The following ZNF490 variants were observed in gnomAD, a reference collection of about 807,000 sequenced individuals.
The protein encoded by ZNF490 is zinc finger protein 490.
Under a neutral mutation model 17.7 loss-of-function variants are expected in ZNF490, and 11 were observed. That is an observed-to-expected ratio of 0.62 (90% CI 0.39 to 1.03). The LOEUF is 1.03. Ranked by LOEUF, ZNF490 falls within the 50% of genes least tolerant of loss-of-function variation. ZNF490 has a pLI of 0.00. For missense variants in ZNF490, 542 were observed against 643.4 expected, an observed-to-expected ratio of 0.84 and a Z score of 1.71; for synonymous variants, 222 against 216.1, an observed-to-expected ratio of 1.03 and a Z score of -0.24.
rs557928943 is a variant in ZNF490 at position 12,580,687 on chromosome 19, C to T, written c.1388G>A (p.Arg463Lys). The T allele has an allele frequency of 6.2e-7, 1 of 1,614,142 alleles. No homozygotes were observed. The highest frequency in any genetic ancestry group is 1.1e-5 in the South Asian group (1 of 91,076). Residue 463 changes from arginine to lysine, a missense_variant, in exon 5 of 5, where the codon AGG (arginine) becomes AAG (lysine). By Grantham distance (26) the Arg-to-Lys change is conservative. Coordinates refer to ENST00000311437, the MANE Select transcript of ZNF490 (RefSeq NM_020714.3). Reference sequence around the variant, plus strand: ...CACTCCAGTGTGACTTCTTTCGTGCCTTCGAAGGTGACTGAAGTAAATGAA... The same window carrying T: ...CACTCCAGTGTGACTTCTTTCGTGCTTTCGAAGGTGACTGAAGTAAATGAA... ...RVFIYFSHLR[R>K]HERSHTGVKP...
At position 12,577,846 on chromosome 19, in the gene ZNF490, C is replaced by A; in HGVS notation, c.*2639G>T. On this transcript the variant is annotated 3_prime_UTR_variant, in exon 5 of 5. Transcript: ENST00000311437. The stretch of plus-strand genomic sequence containing the variant: ...GTGACCTGGTTTCCCTCAATGCTGC[C>A]ACCTCCCTTCTAAAACACACTGACT... 1 of 985,528 alleles carries A rather than the reference C, an allele frequency of 1.0e-6. No homozygotes were observed. Among genetic ancestry groups the A allele is most frequent in the Non-Finnish European group, 1.2e-6 (1 of 830,026 alleles). The allele number at this position is 985,528 out of a possible 1,614,324, so 61.0% of individuals were successfully genotyped here.
At chr19:12,603,276 C>T (rs971377843) in intron 2 of ZNF490, among the ~76,000 whole-genome samples, 12 of 151,972 alleles carry the variant, frequency 7.9e-5, no homozygotes. Flanking sequence ...TGCTTGAGCC[C>T]AGGAGTTCAA....
intron 2 of ZNF490, among the ~76,000 whole-genome samples, chr19:12,587,576 G>A (rs1376289581): frequency 2.2e-5 from 2 of 91,012 alleles, no homozygotes; most frequent in South Asian, 5.9e-4. Flanking sequence ...AAACCTGCAC[G>A]TTGTGCACAT....
At chr19:12,583,787 C>CTATA (rs1267376371) in intron 2 of ZNF490, among the ~76,000 whole-genome samples, 2 of 89,850 alleles carry the variant, frequency 2.2e-5, no homozygotes, top group South Asian at 3.8e-4. Context: ...CTCTCTCTCT[C>CTATA]TCTCTATATA....
chr19:12,603,764 G>A (rs2023034460), intron 2 of ZNF490, among the ~76,000 whole-genome samples: 2 of 147,680 alleles, frequency 1.4e-5, no homozygotes, highest in South Asian at 4.2e-4. Context: ...GTCACTGGGT[G>A]ACAGAGTGAA....
rs1171043179 is a variant in ZNF490 at position 12,580,233 on chromosome 19, T to G, written c.*252A>C. The G allele has an allele frequency of 5.6e-6, 7 of 1,248,336 alleles. No individual in the cohort carries two copies. Among genetic ancestry groups the G allele is most frequent in the African/African-American group, 1.5e-5 (1 of 66,358 alleles). The allele number at this position is 1,248,336 out of a possible 1,614,324, so 77.3% of individuals were successfully genotyped here. On this transcript the variant is annotated 3_prime_UTR_variant, in exon 5 of 5. Coordinates refer to ENST00000311437, the MANE Select transcript of ZNF490 (RefSeq NM_020714.3). ...AGATTACGTGAAGTGAAGGCTTTCC[T>G]ACACTCCATACATTCGTAGCTTTTC... is the stretch of plus-strand genomic sequence containing the variant.
chr19:12,609,045 G>A, intron 2 of ZNF490, 113 bp downstream of exon 2: 1 of 894,150 alleles, frequency 1.1e-6, no homozygotes, highest in South Asian at 1.5e-5. Context: ...CTATGGGAGT[G>A]CCTTCACAAA....
rs2022690269 is a variant in ZNF490, at chr19:12,579,260, A to AG, written c.*1224dup. The AG allele has an allele frequency of 7.1e-6, 1 of 141,728 alleles. No homozygotes were observed. The highest frequency in any genetic ancestry group is 1.5e-5 in the Non-Finnish European group (1 of 65,062). The allele number at this position is 141,728 out of a possible 1,614,324, so 8.8% of individuals were successfully genotyped here. A position where few individuals can be genotyped will look rare whatever the true frequency, so the allele number is the denominator to read the frequency against. ...GACTCCGTCTCAAAAAAAAAAAAAA[A>AG]GAACTGGGGGCCGGGTGTGGTGGCT... On this transcript the variant is annotated 3_prime_UTR_variant, in exon 5 of 5. Transcript: ENST00000311437.
In ZNF490 at chr19:12,587,711, T is replaced by C. The variant is rs1326989496; in HGVS notation, c.163-4155A>G. 3.2e-5 allele frequency among the ~76,000 whole-genome samples: 3 copies of C among 92,626 alleles called. 1 individual carries two copies. Among genetic ancestry groups the C allele is most frequent in the East Asian group, 2.1e-4 (1 of 4,870 alleles). 60.8% of individuals were successfully genotyped at this position (92,626 alleles called of 152,430 possible). On this transcript the variant is annotated intron_variant, in intron 2 of 4. Coordinates refer to ENST00000311437, the MANE Select transcript of ZNF490 (RefSeq NM_020714.3). Reference sequence around the variant, plus strand: ...TAACACTAATTATTATTATTATTATTTTGAGACAAAGTCTCACTCTGCCAC... The same window carrying C: ...TAACACTAATTATTATTATTATTATCTTGAGACAAAGTCTCACTCTGCCAC...
Position 12,581,039 on chromosome 19 carries a change from G to A in ZNF490, c.1036C>T (p.His346Tyr). 1 of 1,613,996 alleles carries A rather than the reference G, an allele frequency of 6.2e-7. No individual in the cohort carries two copies. Among genetic ancestry groups the A allele is most frequent in the Non-Finnish European group, 8.5e-7 (1 of 1,179,952 alleles). ...TTCACGTGTTTTCGAAGGCTTGAGT[G>A]AGAAAAGAAGGCTCTCCCACATTCC... ...CRECGRAFFS[H>Y]SSLRKHVKTH... Residue 346 changes from histidine to tyrosine, a missense_variant, in exon 5 of 5, where the codon CAC (histidine) becomes TAC (tyrosine). His to Tyr is a moderately conservative substitution (Grantham distance 83, BLOSUM62 2). Transcript: ENST00000311437.
In ZNF490 at chr19:12,577,399, C is replaced by T. The variant is rs759468408; in HGVS notation, c.*3086G>A. The T allele has an allele frequency of 3.1e-6, 3 of 981,852 alleles. No individual in the cohort carries two copies. The highest frequency in any genetic ancestry group is 3.6e-6 in the Non-Finnish European group (3 of 826,828). 60.8% of individuals were successfully genotyped at this position (981,852 alleles called of 1,614,324 possible). On this transcript the variant is annotated 3_prime_UTR_variant, in exon 5 of 5. Coordinates refer to ENST00000311437, the MANE Select transcript of ZNF490 (RefSeq NM_020714.3). ...AAGGAATCTCGAACTTCCTGACCTC[C>T]CACAGTACAATAATCATCTCTCTAC...
chr19:12,590,734 A>C (rs1005724218), intron 2 of ZNF490, among the ~76,000 whole-genome samples: 1 of 152,150 alleles, frequency 6.6e-6, no homozygotes, highest in Non-Finnish European at 1.5e-5. Context: ...ATATAAGGCC[A>C]ACTCCTTTCC....
At chr19:12,583,348 A>G (rs1378743483) in intron 3 of ZNF490, 82 bp downstream of exon 3, 20 of 1,464,960 alleles carry the variant, frequency 1.4e-5, no homozygotes, top group Non-Finnish European at 1.6e-5. Flanking sequence ...CCCTTCCCCC[A>G]TTTTAAACCT....
At chr19:12,582,331 A>G (rs1191914588) in intron 4 of ZNF490, among the ~76,000 whole-genome samples, 1 of 151,674 alleles carries the variant, frequency 6.6e-6, no homozygotes, top group Non-Finnish European at 1.5e-5. Context: ...GCCTCAAGCA[A>G]TTCTCCAGCC....
chr19:12,599,228 T>TA (rs1337748572), intron 2 of ZNF490, among the ~76,000 whole-genome samples: 1 of 151,050 alleles, frequency 6.6e-6, no homozygotes, highest in Admixed American at 6.6e-5. Context: ...TATTTTTGGT[T>TA]AAAAAAAGCA....
At position 12,579,975 on chromosome 19, in the gene ZNF490, C is replaced by G. The variant is rs1054757962; in HGVS notation, c.*510G>C. ...TTACAAAATTAGCCAGGCGTGGTGG[C>G]GCATGCCTGTAATCCCAGCTTCTTG... On this transcript the variant is annotated 3_prime_UTR_variant, in exon 5 of 5. Transcript: ENST00000311437. The G allele has an allele frequency of 5.4e-4, 104 of 193,614 alleles. No homozygotes were observed. Among genetic ancestry groups the G allele is most frequent in the Non-Finnish European group, 5.9e-4 (63 of 106,236 alleles). 12.0% of individuals were successfully genotyped at this position (193,614 alleles called of 1,614,324 possible).
At position 12,604,130 on chromosome 19, in the gene ZNF490, C is replaced by T. The variant is rs571370434; in HGVS notation, c.162+5028G>A. Among the ~76,000 whole-genome samples the T allele has an allele frequency of 4.6e-5, 7 of 152,336 alleles. No individual in the cohort carries two copies. In the East Asian group the frequency reaches 1.2e-3, roughly 25 times the overall value. The stretch of plus-strand genomic sequence containing the variant: ...AAGCCACCATAAAAACCCAAAAACA[C>T]GGCTCAGAGAGCCTTCTGGTTGGTA... On this transcript the variant is annotated intron_variant, in intron 2 of 4. Coordinates refer to ENST00000311437, the MANE Select transcript of ZNF490 (RefSeq NM_020714.3).
intron 2 of ZNF490, among the ~76,000 whole-genome samples, chr19:12,600,784 A>G (rs930531557): frequency 1.3e-4 from 20 of 152,166 alleles, no homozygotes; most frequent in African/African-American, 4.8e-4. Flanking sequence ...CAAGTTTTAG[A>G]TAACTTTGGA....
At chr19:12,609,059 C>G in intron 2 of ZNF490, 99 bp downstream of exon 2, 1 of 1,190,794 alleles carries the variant, frequency 8.4e-7, no homozygotes, top group Non-Finnish European at 1.2e-6. Context: ...TCACAAAGAC[C>G]CGAAAGACCC....
Sources: gnomAD v4.1 joint callset for allele counts (sites outside exome capture counted in the v4.1 genomes callset) on GRCh38, gnomAD v4.1.1 for gene constraint, MANE v1.5 for transcripts, NCBI Gene and HGNC (gene_info 2026-07-23, HGNC 2026-07-21) for gene names.